CRACD: variants seen among roughly 807,000 people sequenced by gnomAD.
CRACD encodes capping protein inhibiting regulator of actin dynamics.
Under a neutral mutation model 106.8 loss-of-function variants are expected in CRACD, and 56 were observed. The ratio of observed to expected loss-of-function variants is 0.52; its 90% CI spans 0.42 to 0.66. CRACD has a LOEUF of 0.66. Among genes scored for constraint, CRACD ranks in the 30% least tolerant of loss-of-function variants. The pLI, the probability that CRACD is intolerant of heterozygous loss-of-function variation, is 0.00. For synonymous variants in CRACD, 754 were observed against 670.8 expected, an observed-to-expected ratio of 1.12 and a Z score of -1.92; for missense variants, 1,730 against 1,623.2, an observed-to-expected ratio of 1.07 and a Z score of -1.13.
intron 3 of CRACD, among the ~76,000 whole-genome samples, chr4:56,274,548 C>T (rs1742562681): frequency 6.6e-6 from 1 of 152,112 alleles, no homozygotes; most frequent in East Asian, 1.9e-4. Context: ...CTTAAGGTTT[C>T]AGGTTTTACA....
At chr4:56,196,372 G>A (rs1174667327) in intron 2 of CRACD, 1 of 153,094 alleles carries the variant, frequency 6.5e-6, no homozygotes, top group East Asian at 1.9e-4. Context: ...TGGCCATGGA[G>A]GAAAGTAAAC....
chr4:56,054,611 A>G (rs1731991293), intron 1 of CRACD, among the ~76,000 whole-genome samples: 1 of 152,246 alleles, frequency 6.6e-6, no homozygotes, highest in African/African-American at 2.4e-5. Context: ...ATTTTCACAC[A>G]TATATGAGAA....
chr4:56,095,610 A>T (rs1733575196), intron 1 of CRACD, among the ~76,000 whole-genome samples: 1 of 152,184 alleles, frequency 6.6e-6, no homozygotes, highest in Non-Finnish European at 1.5e-5. Context: ...AAGAAGCAGT[A>T]AGACCAGTGT....
At chr4:56,163,204 G>A (rs1426580583) in intron 1 of CRACD, among the ~76,000 whole-genome samples, 4 of 151,866 alleles carry the variant, frequency 2.6e-5, no homozygotes, top group African/African-American at 4.8e-5. Flanking sequence ...GTTCCAAGGA[G>A]AGAAAAAGAT....
intron 2 of CRACD, among the ~76,000 whole-genome samples, chr4:56,237,433 A>G (rs1740042527): frequency 2.0e-5 from 3 of 152,184 alleles, no homozygotes. Flanking sequence ...AAAATTAGTA[A>G]GAAAGATGGA....
At chr4:56,214,287 A>G (rs1344105514) in intron 2 of CRACD, among the ~76,000 whole-genome samples, 1 of 152,162 alleles carries the variant, frequency 6.6e-6, no homozygotes, top group Non-Finnish European at 1.5e-5. Context: ...AAACCTGCAC[A>G]TGTATTTTTT....
intron 2 of CRACD, among the ~76,000 whole-genome samples, chr4:56,180,439 A>T (rs1736768750): frequency 6.6e-6 from 1 of 151,678 alleles, no homozygotes; most frequent in Non-Finnish European, 1.5e-5. Context: ...CAGTGAGCCG[A>T]GATCTCACTG....
intron 1 of CRACD, among the ~76,000 whole-genome samples, chr4:56,154,007 T>C (rs944649895): frequency 3.3e-5 from 5 of 152,236 alleles, no homozygotes; most frequent in African/African-American, 1.2e-4. Flanking sequence ...TTGCTTATTT[T>C]ACTTTCTATT....
chr4:56,145,015 T>C (rs1435911508), intron 1 of CRACD, among the ~76,000 whole-genome samples: 1 of 152,190 alleles, frequency 6.6e-6, no homozygotes, highest in African/African-American at 2.4e-5. Flanking sequence ...CCTGAACTCT[T>C]GACTTCAAGT....
Position 56,214,681 on chromosome 4 carries a change from C to CTCTCTATATATATATA in CRACD, c.-189+35252_-189+35253insCTCTATATATATATAT. On this transcript the variant is annotated intron_variant, in intron 2 of 10. Transcript: ENST00000682029. ...TCTCTCTCTCTCTCTCTCTCTCTCT[C>CTCTCTATATATATATA]TATATATATATATATCAAACAGTTA... 5.9e-4 allele frequency among the ~76,000 whole-genome samples: 48 copies of CTCTCTATATATATATA among 80,984 alleles called. 1 individual carries two copies. The highest frequency in any genetic ancestry group is 1.9e-3 in the African/African-American group (45 of 23,492). The allele number at this position is 80,984 out of a possible 152,430, so 53.1% of individuals were successfully genotyped here.
At chr4:56,135,030 T>A (rs1734953656) in intron 1 of CRACD, among the ~76,000 whole-genome samples, 1 of 152,082 alleles carries the variant, frequency 6.6e-6, no homozygotes, top group Non-Finnish European at 1.5e-5. Flanking sequence ...ACGCCTGTAA[T>A]CCCAGCTCTT....
chr4:56,188,709 CACAG>C (rs1397718927), intron 2 of CRACD, among the ~76,000 whole-genome samples: 10 of 129,950 alleles, frequency 7.7e-5, no homozygotes, highest in African/African-American at 1.3e-4. Flanking sequence ...CACACACACA[CACAG>C]AGAGAGAGAG....
chr4:56,197,316 G>T (rs75729497), intron 2 of CRACD, among the ~76,000 whole-genome samples: 2,599 of 151,798 alleles, frequency 0.017, 85 homozygotes, highest in African/African-American at 0.06. Context: ...TTTCCTCTGT[G>T]GGGTATTTTT....
intron 2 of CRACD, among the ~76,000 whole-genome samples, chr4:56,201,429 C>G (rs1737874265): frequency 6.6e-6 from 1 of 152,136 alleles, no homozygotes; most frequent in Non-Finnish European, 1.5e-5. Flanking sequence ...ACTGGCATGT[C>G]TTTAGATGAT....
intron 1 of CRACD, among the ~76,000 whole-genome samples, chr4:56,152,896 C>T (rs1200759770): frequency 2.0e-5 from 3 of 152,226 alleles, no homozygotes; most frequent in Admixed American, 2.0e-4. Flanking sequence ...TCAGATCTCT[C>T]CTCTGAATTC....
chr4:56,231,884 A>G (rs1204088341), intron 2 of CRACD, among the ~76,000 whole-genome samples: 1 of 152,220 alleles, frequency 6.6e-6, no homozygotes, highest in Non-Finnish European at 1.5e-5. Flanking sequence ...GACTTTATAT[A>G]CAAGCAGCTA....
chr4:56,141,049 G>A (rs1485509028), intron 1 of CRACD, among the ~76,000 whole-genome samples: 1 of 152,220 alleles, frequency 6.6e-6, no homozygotes, highest in Non-Finnish European at 1.5e-5. Flanking sequence ...CAGTGAAAGA[G>A]GAGGGCTTGT....
At chr4:56,187,210 G>GA (rs1182952741) in intron 2 of CRACD, among the ~76,000 whole-genome samples, 1 of 152,180 alleles carries the variant, frequency 6.6e-6, no homozygotes, top group Non-Finnish European at 1.5e-5. Flanking sequence ...ATAACCGGGT[G>GA]AAGTGTGATT....
intron 1 of CRACD, among the ~76,000 whole-genome samples, chr4:56,145,029 C>T (rs1019950641): frequency 6.6e-6 from 1 of 152,100 alleles, no homozygotes; most frequent in African/African-American, 2.4e-5. Context: ...TTCAAGTTAT[C>T]CCCCCGCCCC....
Sources: gnomAD v4.1 joint callset for allele counts (sites outside exome capture counted in the v4.1 genomes callset) on GRCh38, gnomAD v4.1.1 for gene constraint, MANE v1.5 for transcripts, NCBI Gene and HGNC (gene_info 2026-07-23, HGNC 2026-07-21) for gene names.